The following IARS1 variants were observed in gnomAD, a reference collection of about 807,000 sequenced individuals.
The protein encoded by IARS1 is isoleucyl-tRNA synthetase 1, also known as isoleucine--tRNA ligase, cytoplasmic.
Under a neutral mutation model 168.2 loss-of-function variants are expected in IARS1, and 124 were observed. The observed-to-expected ratio is 0.74, with a 90% CI of 0.64 to 0.86. The LOEUF (loss-of-function observed/expected upper bound fraction) is 0.86, where lower values mean the gene tolerates loss of function less well. IARS1 is among the 40% of genes least tolerant of loss of function. The pLI is 0.00. For synonymous variants in IARS1, 532 were observed against 529.4 expected (o/e 1.00, Z -0.07); for missense variants, 1,452 against 1,515.8 (o/e 0.96, Z 0.70).
At chr9:92,213,361 C>G (rs1045308106) in intron 33 of IARS1, among the ~76,000 whole-genome samples, 5 of 152,164 alleles carry the variant, frequency 3.3e-5, no homozygotes, top group Admixed American at 1.3e-4. Context: ...AGTTCCTTCA[C>G]CACAAGAGAA....
intron 33 of IARS1, among the ~76,000 whole-genome samples, chr9:92,213,717 C>T (rs560075236): frequency 6.6e-6 from 1 of 152,202 alleles, no homozygotes; most frequent in Non-Finnish European, 1.5e-5. Flanking sequence ...GAAACCAATA[C>T]AGAGAAAATC....
chr9:92,284,577 G>C (rs144815208), intron 6 of IARS1, among the ~76,000 whole-genome samples: 1 of 152,166 alleles, frequency 6.6e-6, no homozygotes, highest in Non-Finnish European at 1.5e-5. Flanking sequence ...GCAAGGTCAG[G>C]AGTTCAAGAC....
intron 10 of IARS1, among the ~76,000 whole-genome samples, chr9:92,273,429 A>G (rs1292076172): frequency 1.3e-5 from 2 of 152,238 alleles, no homozygotes; most frequent in Admixed American, 6.5e-5. Context: ...GAAAGACATG[A>G]GGATGAGGAT....
chr9:92,229,253 C>CTA lies in IARS1; in HGVS notation c.3284-129_3284-128dup, dbSNP rs1342307780. On this transcript the variant is annotated intron_variant, in intron 30 of 33. Coordinates refer to ENST00000443024, the MANE Select transcript of IARS1 (RefSeq NM_002161.6). ...TTTTTCCTTTTCCCCCAACTATACA[C>CTA]TATATATATGTGTATATATAGCTTA... 5.1e-6 allele frequency: 4 copies of CTA among 780,692 alleles called. No individual in the cohort carries two copies. In the South Asian group the frequency reaches 5.5e-5, roughly 11 times the overall value. 48.4% of individuals were successfully genotyped at this position (780,692 alleles called of 1,614,324 possible).
Position 92,222,557 on chromosome 9 carries a change from C to T in IARS1, c.3669G>A (p.Arg1223=), listed in dbSNP as rs747240344. The change falls in exon 33 of 34, where the codon AGG becomes AGA. Residue 1223 remains arginine (R), a synonymous_variant. Transcript: ENST00000443024. ...TCTCATTCAGAAACAGCTTTAGCTTCCTGCTCCGAAGGCCAAACACCTTGG... is the reference window on the plus strand; with the variant it reads ...TCTCATTCAGAAACAGCTTTAGCTTTCTGCTCCGAAGGCCAAACACCTTGG... ...EAAKVFGLRS[R]KLKLFLNETQ... 17 of 1,614,012 alleles carry T rather than the reference C, an allele frequency of 1.1e-5. No individual in the cohort carries two copies. The highest frequency in any genetic ancestry group is 1.4e-5 in the Non-Finnish European group (17 of 1,180,028).
intron 4 of IARS1, among the ~76,000 whole-genome samples, 187 bp from the exon 5 acceptor site, chr9:92,286,805 C>T (rs760780855): frequency 4.6e-5 from 7 of 152,234 alleles, no homozygotes; most frequent in Non-Finnish European, 1.0e-4. Context: ...CGGCATTCAT[C>T]CTACATGCAC....
intron 9 of IARS1, 81 bp downstream of exon 9, chr9:92,277,782 T>C: frequency 3.5e-6 from 4 of 1,152,960 alleles, no homozygotes; most frequent in African/African-American, 3.1e-5. Context: ...AAAAGTAATG[T>C]CAATTCCACT....
chr9:92,226,119 G>C (rs937328114), intron 31 of IARS1, among the ~76,000 whole-genome samples: 2 of 152,190 alleles, frequency 1.3e-5, no homozygotes, highest in African/African-American at 4.8e-5. Context: ...CACCACCTTG[G>C]TGGAACCTGG....
intron 7 of IARS1, among the ~76,000 whole-genome samples, chr9:92,280,094 T>C (rs1327470026): frequency 1.3e-5 from 2 of 152,252 alleles, no homozygotes; most frequent in Non-Finnish European, 2.9e-5. Flanking sequence ...ATAATGCTCC[T>C]ATGAACACGG....
chr9:92,285,622 T>C, intron 6 of IARS1, 100 bp downstream of exon 6: 1 of 720,380 alleles, frequency 1.4e-6, no homozygotes, highest in Non-Finnish European at 2.5e-6. Context: ...GTGGGCAACA[T>C]TCCACACTGG....
chr9:92,250,884 C>T (rs958809181), intron 22 of IARS1, 50 bp from the exon 23 acceptor site: 6 of 1,552,220 alleles, frequency 3.9e-6, no homozygotes, highest in Non-Finnish European at 5.2e-6. Context: ...TCATCAACAA[C>T]TGATCTCATT....
At chr9:92,270,720 G>A (rs564113851) in intron 12 of IARS1, among the ~76,000 whole-genome samples, 10 of 152,204 alleles carry the variant, frequency 6.6e-5, no homozygotes, top group Non-Finnish European at 1.3e-4. Flanking sequence ...TGCTTAAGCC[G>A]GGGAGGTGGA....
Position 92,213,556 on chromosome 9 carries a change from C to T in IARS1, c.3707-2667G>A, listed in dbSNP as rs146676972. On this transcript the variant is annotated intron_variant, in intron 33 of 33. Coordinates refer to ENST00000443024, the MANE Select transcript of IARS1 (RefSeq NM_002161.6). ...ACAAGTCAAGGGATGCCTGGCGCCA[C>T]CATAAGCTAGAAGAAGTATATAAGG... Among the ~76,000 whole-genome samples the T allele has an allele frequency of 4.0e-3, 609 of 152,286 alleles. 7 individuals carry two copies. The highest frequency in any genetic ancestry group is 0.014 in the African/African-American group (585 of 41,546).
intron 14 of IARS1, among the ~76,000 whole-genome samples, chr9:92,267,461 C>T (rs1832441498): frequency 6.6e-6 from 1 of 152,210 alleles, no homozygotes; most frequent in Non-Finnish European, 1.5e-5. Flanking sequence ...AAGTCCTCGC[C>T]TGATGTCATT....
At chr9:92,278,516 G>A (rs1055512330) in intron 7 of IARS1, among the ~76,000 whole-genome samples, 5 of 152,188 alleles carry the variant, frequency 3.3e-5, no homozygotes, top group Middle Eastern at 3.4e-3. Flanking sequence ...ATTATTTATC[G>A]CTCAGATATC....
intron 9 of IARS1, among the ~76,000 whole-genome samples, chr9:92,274,838 T>C (rs1198730240): frequency 6.6e-6 from 1 of 152,226 alleles, no homozygotes; most frequent in Non-Finnish European, 1.5e-5. Context: ...CAGTTTAGGA[T>C]ACAGTCTCAG....
chr9:92,288,336 C>T (rs1261894609), intron 2 of IARS1, 54 bp from the exon 3 acceptor site: 5 of 1,512,678 alleles, frequency 3.3e-6, no homozygotes, highest in Non-Finnish European at 4.6e-6. Flanking sequence ...AAATTTAAGG[C>T]ATTTTTCTAT....
intron 25 of IARS1, among the ~76,000 whole-genome samples, chr9:92,249,314 G>A (rs1481373346): frequency 6.6e-6 from 1 of 152,218 alleles, no homozygotes; most frequent in East Asian, 1.9e-4. Flanking sequence ...CACTTTGGGA[G>A]GCCAAGGCGG....
At chr9:92,249,997 GA>G in intron 24 of IARS1, 56 bp from the exon 25 acceptor site, 1 of 1,020,762 alleles carries the variant, frequency 9.8e-7, no homozygotes, top group East Asian at 2.4e-5. Context: ...TAAAACTGCA[GA>G]AAAATGGAAT....
Sources: gnomAD v4.1 joint callset for allele counts (sites outside exome capture counted in the v4.1 genomes callset) on GRCh38, gnomAD v4.1.1 for gene constraint, MANE v1.5 for transcripts, NCBI Gene and HGNC (gene_info 2026-07-23, HGNC 2026-07-21) for gene names.